Variants in TPM1 observed in about 807,000 individuals in gnomAD.
TPM1 encodes the protein tropomyosin alpha-1 chain.
Under a neutral mutation model 42.9 loss-of-function variants are expected in TPM1, and 24 were observed. The ratio of observed to expected loss-of-function variants is 0.56; its 90% CI spans 0.41 to 0.79. The LOEUF (loss-of-function observed/expected upper bound fraction) is 0.79, where lower values mean the gene tolerates loss of function less well. TPM1 is among the 30% of genes least tolerant of loss of function. TPM1 has a pLI of 0.00. For synonymous variants in TPM1, 136 were observed against 130.1 expected, an observed-to-expected ratio of 1.05 and a Z score of -0.31; for missense variants, 158 against 351.8, an observed-to-expected ratio of 0.45 and a Z score of 4.41.
At chr15:63,064,340 C>T (rs2036033046) in intron 9 of TPM1, 198 bp downstream of exon 9, 8 of 1,449,344 alleles carry the variant, frequency 5.5e-6, no homozygotes, top group Admixed American at 2.5e-5. Context: ...TCTATACAAA[C>T]CATTTTCTTT....
At position 63,042,981 on chromosome 15, in the gene TPM1, G is replaced by C. The variant is rs986715486; in HGVS notation, c.114+38G>C. 3.9e-6 allele frequency: 6 copies of C among 1,541,046 alleles called. No individual in the cohort carries two copies. The African/African-American group carries it at 8.2e-5, about 21-fold the overall frequency. On this transcript the variant is annotated intron_variant, in intron 1 of 9. Transcript: ENST00000403994. ...CCGGCCCTGCGCCCGCGCCCAGAGC[G>C]CCGGGACTCGAGCCTGGCACCCCCG...
Position 63,043,154 on chromosome 15 carries a change from C to T in TPM1, c.114+211C>T, listed in dbSNP as rs533726541. On this transcript the variant is annotated intron_variant, in intron 1 of 9. Transcript: ENST00000403994. ...AGTCTGGTCTGAGGACGCTTATTTC[C>T]CTTCTCTGGTTCCCATGGCCCGCGA... The T allele has an allele frequency of 4.0e-4, 234 of 585,032 alleles. 2 individuals carry two copies. The Middle Eastern group carries it at 4.6e-3, about 11-fold the overall frequency. The allele number at this position is 585,032 out of a possible 1,614,324, so 36.2% of individuals were successfully genotyped here.
intron 5 of TPM1, chr15:63,061,345 T>C: frequency 6.8e-7 from 1 of 1,480,184 alleles, no homozygotes; most frequent in South Asian, 1.1e-5. Context: ...TGCCTCCTGG[T>C]TCGTTTGGTA....
At chr15:63,053,688 T>TG (rs980252596) in intron 2 of TPM1, among the ~76,000 whole-genome samples, 1 of 81,410 alleles carries the variant, frequency 1.2e-5, no homozygotes, top group African/African-American at 4.6e-5. Context: ...TTTTTTTTTT[T>TG]TTTTGTTTTT....
At position 63,066,020 on chromosome 15, in the gene TPM1, A is replaced by T; in HGVS notation, c.*121A>T. 6.4e-7 allele frequency: 1 copy of T among 1,552,346 alleles called. No individual in the cohort carries two copies. Among genetic ancestry groups the T allele is most frequent in the South Asian group, 1.2e-5 (1 of 84,496 alleles). On this transcript the variant is annotated 3_prime_UTR_variant, in exon 10 of 10. Coordinates refer to ENST00000403994, the MANE Select transcript of TPM1 (RefSeq NM_001018005.2). ...TCTCTCTCTTAGCATCCTGCCTTAG[A>T]GCCAGGCACACACTGTGCTTTCTAT... is the stretch of plus-strand genomic sequence containing the variant.
chr15:63,044,148 C>A lies in TPM1; in HGVS notation c.236C>A (p.Thr79Asn). The stretch of plus-strand genomic sequence containing the variant: ...CTGGAGCTGGCAGAGAAAAAGGCCA[C>A]CGATGTAAGTGCACGCTCACACTGC... ...EKLELAEKKA[T>N]DAEADVASLN... The change falls in exon 2 of 10, where the codon ACC becomes AAC. Residue 79 changes from threonine to asparagine, a missense_variant. Thr to Asn is a moderately conservative substitution (Grantham distance 65). Around this residue, in one of 4 missense-constraint regions of TPM1, gnomAD observed 65 missense variants for 208.8 expected, o/e 0.31. Coordinates refer to ENST00000403994, the MANE Select transcript of TPM1 (RefSeq NM_001018005.2). 1 of 1,614,228 alleles carries A rather than the reference C, an allele frequency of 6.2e-7. No homozygotes were observed. The highest frequency in any genetic ancestry group is 2.2e-5 in the East Asian group (1 of 44,890).
chr15:63,042,794 C>T lies in TPM1; in HGVS notation c.-36C>T. 6.3e-7 allele frequency: 1 copy of T among 1,583,838 alleles called. No individual in the cohort carries two copies. Among genetic ancestry groups the T allele is most frequent in the Admixed American group, 1.7e-5 (1 of 59,208 alleles). ...CCGACCGCGCGCTCGCCCCGCCGCT[C>T]CTGCTGCAGCCCCAGGGCCCCTCGC... On this transcript the variant is annotated 5_prime_UTR_variant, in exon 1 of 10. Transcript: ENST00000403994.
chr15:63,051,464 T>G (rs1053679495), intron 2 of TPM1, among the ~76,000 whole-genome samples: 1 of 138,398 alleles, frequency 7.2e-6, no homozygotes, highest in African/African-American at 2.9e-5. Context: ...GCTTCATAAA[T>G]TATGGGCTTT....
chr15:63,043,377 G>A (rs1456144886), intron 1 of TPM1: 1 of 584,874 alleles, frequency 1.7e-6, no homozygotes, highest in African/African-American at 1.8e-5. Flanking sequence ...AGGGAGTCCT[G>A]GAGTTGTTAC....
rs397516369 is a variant in TPM1, at chr15:63,057,081, C to G, written c.337C>G (p.Leu113Val). The change falls in exon 3 of 10, where the codon CTG (leucine) becomes GTG (valine). Residue 113 changes from leucine (L) to valine (V), a missense_variant. Leu to Val is a conservative substitution (Grantham distance 32). Around this residue, in one of 4 missense-constraint regions of TPM1, gnomAD observed 65 missense variants for 208.8 expected, o/e 0.31. Coordinates refer to ENST00000403994, the MANE Select transcript of TPM1 (RefSeq NM_001018005.2). ...GCGTCTGGCAACAGCTTTGCAGAAGCTGGAGGAAGCTGAGAAGGCAGCAGA... is the reference window on the plus strand; with the variant it reads ...GCGTCTGGCAACAGCTTTGCAGAAGGTGGAGGAAGCTGAGAAGGCAGCAGA... ...QERLATALQK[L>V]EEAEKAADES... The G allele has an allele frequency of 6.2e-7, 1 of 1,614,196 alleles. No individual in the cohort carries two copies. Among genetic ancestry groups the G allele is most frequent in the Non-Finnish European group, 8.5e-7 (1 of 1,180,028 alleles).
Position 63,059,620 on chromosome 15 carries a change from G to A in TPM1, c.432G>A (p.Gln144=), listed in dbSNP as rs1475839079. ...AQKDEEKMEI[Q]EIQLKEAKHI... is the part of the protein sequence containing the mutation. Reference sequence around the variant, plus strand: ...AAGATGAAGAAAAAATGGAAATTCAGGAGATCCAACTGAAAGAGGCCAAGC... The same window carrying A: ...AAGATGAAGAAAAAATGGAAATTCAAGAGATCCAACTGAAAGAGGCCAAGC... The change falls in exon 4 of 10, where the codon CAG becomes CAA. Residue 144 remains glutamine (Q), a synonymous_variant. Transcript: ENST00000403994. The A allele has an allele frequency of 6.2e-7, 1 of 1,612,412 alleles. No homozygotes were observed.
At chr15:63,059,981 T>C (rs1323818895) in intron 4 of TPM1, 8 of 351,570 alleles carry the variant, frequency 2.3e-5, no homozygotes, top group Non-Finnish European at 3.9e-5. Context: ...TTGGGCCCTG[T>C]GTCTTGTGAA....
chr15:63,043,172 G>A lies in TPM1; in HGVS notation c.114+229G>A. 6 of 570,534 alleles carry A rather than the reference G, an allele frequency of 1.1e-5. No homozygotes were observed. The South Asian group carries it at 1.2e-4, about 11-fold the overall frequency. The allele number at this position is 570,534 out of a possible 1,614,324, so 35.3% of individuals were successfully genotyped here. On this transcript the variant is annotated intron_variant, in intron 1 of 9. Coordinates refer to ENST00000403994, the MANE Select transcript of TPM1 (RefSeq NM_001018005.2). Reference sequence around the variant, plus strand: ...TTATTTCCCTTCTCTGGTTCCCATGGCCCGCGAAATCAAGTCCTAGAGGCG... The same window carrying A: ...TTATTTCCCTTCTCTGGTTCCCATGACCCGCGAAATCAAGTCCTAGAGGCG...
intron 5 of TPM1, chr15:63,061,147 T>G (rs776370235): frequency 2.5e-6 from 4 of 1,589,998 alleles, no homozygotes; most frequent in Non-Finnish European, 3.5e-6. Context: ...ATGCCTTACC[T>G]GCACACTGAT....
At chr15:63,071,560 G>A (rs1304208176) in exon 9 of TPM1, 1 of 322,240 alleles carries the variant, frequency 3.1e-6, no homozygotes, top group African/African-American at 2.2e-5. Flanking sequence ...GTCCCCCTGT[G>A]GTCTTTTGTT....
rs530323386 is a variant in TPM1 at position 63,043,952 on chromosome 15, C to T, written c.115-75C>T. The stretch of plus-strand genomic sequence containing the variant: ...TCCCTGTCCTTCTGGTTCTGTGCAC[C>T]CACACCCCTCCCCTTCGGGATCACG... On this transcript the variant is annotated intron_variant, in intron 1 of 9. Coordinates refer to ENST00000403994, the MANE Select transcript of TPM1 (RefSeq NM_001018005.2). The T allele has an allele frequency of 2.2e-4, 343 of 1,568,122 alleles. 7 individuals are homozygous for T. In the South Asian group the frequency reaches 3.8e-3, roughly 17 times the overall value.
chr15:63,045,612 T>G (rs1424525446), intron 2 of TPM1: 1 of 152,194 alleles, frequency 6.6e-6, no homozygotes, highest in Non-Finnish European at 1.5e-5. Flanking sequence ...GCAGAGAATT[T>G]GAAAATAGCC....
intron 2 of TPM1, 75 bp from the exon 3 acceptor site, chr15:63,056,910 C>A (rs2034893209): frequency 2.5e-6 from 4 of 1,596,826 alleles, no homozygotes; most frequent in Non-Finnish European, 3.4e-6. Flanking sequence ...ATCAGCATTG[C>A]AGTCCCAGCC....
intron 2 of TPM1, chr15:63,046,173 A>G (rs1201028224): frequency 1.3e-5 from 2 of 152,252 alleles, no homozygotes; most frequent in African/African-American, 4.8e-5. Context: ...TACTGTCAAC[A>G]ATTGTAACAC....
Sources: gnomAD v4.1 joint callset for allele counts (sites outside exome capture counted in the v4.1 genomes callset) on GRCh38, gnomAD v4.1.1 for gene constraint, gnomAD v4.1.1 regional missense constraint, MANE v1.5 for transcripts, NCBI Gene and HGNC (gene_info 2026-07-23, HGNC 2026-07-21) for gene names.